The following SALL2 variants were observed in gnomAD, a reference collection of about 807,000 sequenced individuals.
The protein encoded by SALL2 is spalt like transcription factor 2, also known as sal-like protein 2.
In SALL2, 32 loss-of-function variants were observed where a neutral mutation model predicts 58.5. That is an observed-to-expected ratio of 0.55 (90% CI 0.41 to 0.74). The LOEUF is 0.74. Among genes scored for constraint, SALL2 ranks in the 30% least tolerant of loss-of-function variants. The pLI, the probability that SALL2 is intolerant of heterozygous loss-of-function variation, is 0.00. For missense variants in SALL2, 1,201 were observed against 1,268.9 expected, an observed-to-expected ratio of 0.95 and a Z score of 0.81; for synonymous variants, 516 against 513.6, an observed-to-expected ratio of 1.00 and a Z score of -0.06.
upstream of SALL2, among the ~76,000 whole-genome samples, chr14:21,528,125 T>A: frequency 6.8e-6 from 1 of 146,316 alleles, no homozygotes; most frequent in African/African-American, 2.6e-5. Context: ...GCAACAAGAG[T>A]GAAACTGCGT....
rs1327773612 is a variant in SALL2 at position 21,524,788 on chromosome 14, T to C, written c.934A>G (p.Ile312Val). Residue 312 changes from isoleucine (I) to valine (V), a missense_variant, in exon 2 of 2, where the codon ATT (isoleucine) becomes GTT (valine). Physicochemically the swap from Ile to Val is conservative, Grantham distance 29. Transcript: ENST00000537235. Reference protein sequence around the residue: ...PALPGSTDQLIASPHLAFPST... With the variant: ...PALPGSTDQLVASPHLAFPST... ...GGGAATGCCAGATGAGGCGAGGCAA[T>C]CAGCTGATCTGTGCTGCCTGGCAAG... The C allele has an allele frequency of 6.2e-7, 1 of 1,607,032 alleles. No individual in the cohort carries two copies. The highest frequency in any genetic ancestry group is 2.2e-5 in the East Asian group (1 of 44,818).
In SALL2 at chr14:21,522,797, A is replaced by C. The variant is rs1394069313; in HGVS notation, c.2925T>G (p.Ile975Met). Residue 975 changes from isoleucine to methionine, a missense_variant, in exon 2 of 2, where the codon ATT (isoleucine) becomes ATG (methionine). Transcript: ENST00000537235. The stretch of plus-strand genomic sequence containing the variant: ...AGCCAGGGACTAGAGAAAGAGCAGC[A>C]ATATTCTGAGGGCCATGGGGGGCAA... ...QPFAPHGPQNIAALSLVPGCS... is the reference protein window; with the variant it reads ...QPFAPHGPQNMAALSLVPGCS... The C allele has an allele frequency of 6.2e-7, 1 of 1,603,420 alleles. No homozygotes were observed. Among genetic ancestry groups the C allele is most frequent in the Non-Finnish European group, 8.5e-7 (1 of 1,175,632 alleles).
At chr14:21,530,265 TTC>T (rs200131762), upstream of SALL2, among the ~76,000 whole-genome samples, 1,002 of 149,544 alleles carry the variant, frequency 6.7e-3, 5 homozygotes, top group Non-Finnish European at 0.012. Flanking sequence ...TGAGCCATAT[TTC>T]TTTTTTTTTC....
At position 21,521,274 on chromosome 14, in the gene SALL2, A is replaced by G. The variant is rs970923266; in HGVS notation, c.*1430T>C. 1 of 152,202 alleles carries G rather than the reference A, an allele frequency of 6.6e-6. No homozygotes were observed. The highest frequency in any genetic ancestry group is 1.5e-5 in the Non-Finnish European group (1 of 68,056). The allele number at this position is 152,202 out of a possible 1,614,324, so 9.4% of individuals were successfully genotyped here. A position where few individuals can be genotyped will look rare whatever the true frequency, so the allele number is the denominator to read the frequency against. ...AAATGATCCTATGTTAAGAGTAAAT[A>G]CTACAACTCATTACAAGACGGAGAG... On this transcript the variant is annotated 3_prime_UTR_variant, in exon 2 of 2. Transcript: ENST00000537235.
chr14:21,525,958 C>A lies in SALL2; in HGVS notation c.67+103G>T. The A allele has an allele frequency of 2.7e-6, 3 of 1,127,658 alleles. No homozygotes were observed. Among genetic ancestry groups the A allele is most frequent in the South Asian group, 1.3e-5 (1 of 74,474 alleles). 69.9% of individuals were successfully genotyped at this position (1,127,658 alleles called of 1,614,324 possible). A position where few individuals can be genotyped will look rare whatever the true frequency, so the allele number is the denominator to read the frequency against. On this transcript the variant is annotated intron_variant, in intron 1 of 1. Coordinates refer to ENST00000537235, the MANE Select transcript of SALL2 (RefSeq NM_001364564.1). The surrounding 1 kb of genome is among the most constrained non-coding windows in gnomAD (Gnocchi z 4.4). ...GAATAGGTGTGGGGACAGGGGCCTA[C>A]GCAGAGAATCATGCATTTTCTCCCA... is the stretch of plus-strand genomic sequence containing the variant.
chr14:21,529,158 G>A (rs1328371379), upstream of SALL2, among the ~76,000 whole-genome samples: 1 of 152,126 alleles, frequency 6.6e-6, no homozygotes, highest in East Asian at 1.9e-4. Context: ...AAGGGGGGCA[G>A]GATTCTTACA....
At position 21,521,803 on chromosome 14, in the gene SALL2, A is replaced by G. The variant is rs1566504460; in HGVS notation, c.*901T>C. On this transcript the variant is annotated 3_prime_UTR_variant, in exon 2 of 2. Transcript: ENST00000537235. ...TGTTTCCCAACTTTGAGAGGTCATC[A>G]TGAATGAGAAGCTGGAGAGGTCTTG... is the stretch of plus-strand genomic sequence containing the variant. The G allele has an allele frequency of 1.8e-6, 1 of 542,768 alleles. No individual in the cohort carries two copies. Among genetic ancestry groups the G allele is most frequent in the Non-Finnish European group, 3.2e-6 (1 of 311,868 alleles). The allele number at this position is 542,768 out of a possible 1,614,324, so 33.6% of individuals were successfully genotyped here.
chr14:21,523,924 G>C lies in SALL2; in HGVS notation c.1798C>G (p.Gln600Glu). ...GCTGAGGTCACCGCCACAGCTCCTT[G>C]CCGGTCAATCTTTTCTACCAGTTGC... is the stretch of plus-strand genomic sequence containing the variant. ...LQQLVEKIDR[Q>E]GAVAVTSAAS... Residue 600 changes from glutamine (Q) to glutamate (E), a missense_variant, in exon 2 of 2, where the codon CAA becomes GAA. By Grantham distance (29) the Gln-to-Glu change is conservative. Transcript: ENST00000537235. This position sits in a 1 kb window ranked among gnomAD's most constrained non-coding sequence, Gnocchi z 4.4. 6.2e-7 allele frequency: 1 copy of C among 1,614,216 alleles called. No individual in the cohort carries two copies. Among genetic ancestry groups the C allele is most frequent in the Middle Eastern group, 1.6e-4 (1 of 6,062 alleles).
rs969185938 is a variant in SALL2, at chr14:21,521,799, C to A, written c.*905G>T. The A allele has an allele frequency of 7.5e-6, 4 of 531,924 alleles. No homozygotes were observed. The highest frequency in any genetic ancestry group is 1.9e-5 in the African/African-American group (1 of 52,992). 33.0% of individuals were successfully genotyped at this position (531,924 alleles called of 1,614,324 possible). A position where few individuals can be genotyped will look rare whatever the true frequency, so the allele number is the denominator to read the frequency against. On this transcript the variant is annotated 3_prime_UTR_variant, in exon 2 of 2. Coordinates refer to ENST00000537235, the MANE Select transcript of SALL2 (RefSeq NM_001364564.1). ...AGCTTGTTTCCCAACTTTGAGAGGT[C>A]ATCATGAATGAGAAGCTGGAGAGGT...
chr14:21,533,046 C>T (rs906155581), intron 1 of SALL2, among the ~76,000 whole-genome samples: 1 of 151,970 alleles, frequency 6.6e-6, no homozygotes, highest in Non-Finnish European at 1.5e-5. Flanking sequence ...CAAAAAGGGC[C>T]TAGCACAGTA....
rs767040065 is a variant in SALL2, at chr14:21,522,809, G to A, written c.2913C>T (p.Gly971=). The part of the protein sequence containing the change: ...HHQVQPFAPH[G]PQNIAALSLV... ...GAGAAAGAGCAGCAATATTCTGAGG[G>A]CCATGGGGGGCAAAGGGCTGTACCT... Residue 971 remains glycine, a synonymous_variant, in exon 2 of 2, where the codon GGC becomes GGT. Transcript: ENST00000537235. The A allele has an allele frequency of 6.8e-6, 11 of 1,607,278 alleles. No homozygotes were observed. The Admixed American group carries it at 1.0e-4, about 15-fold the overall frequency.
At chr14:21,532,894 C>A (rs1178350657) in intron 1 of SALL2, among the ~76,000 whole-genome samples, 1 of 151,242 alleles carries the variant, frequency 6.6e-6, no homozygotes, top group Non-Finnish European at 1.5e-5. Context: ...ACCCGGGAGG[C>A]GGAGCTCGCA....
upstream of SALL2, among the ~76,000 whole-genome samples, chr14:21,527,009 G>T (rs535147675): frequency 1.7e-3 from 253 of 152,160 alleles, 1 homozygote; most frequent in African/African-American, 5.8e-3. Flanking sequence ...TTACTCCGCA[G>T]ATCGCCCAGC....
In SALL2 at chr14:21,525,147, A is replaced by C; in HGVS notation, c.575T>G (p.Ile192Ser). The C allele has an allele frequency of 2.5e-6, 4 of 1,613,974 alleles. No individual in the cohort carries two copies. The highest frequency in any genetic ancestry group is 3.4e-6 in the Non-Finnish European group (4 of 1,179,958). Residue 192 changes from isoleucine (I) to serine (S), a missense_variant, in exon 2 of 2, where the codon ATC becomes AGC. Ile to Ser is a moderately radical substitution (Grantham distance 142, BLOSUM62 -2). Around this residue, in one of 3 missense-constraint regions of SALL2, gnomAD observed 467 missense variants for 468.9 expected, o/e 1.00. Transcript: ENST00000537235. This position sits in a 1 kb window ranked among gnomAD's most constrained non-coding sequence, Gnocchi z 4.4. ...TTGCTCAGTCATCTGCATCTGATGGATCTGCCGCTGCTGCAGCACCCGTAG... is the reference window on the plus strand; with the variant it reads ...TTGCTCAGTCATCTGCATCTGATGGCTCTGCCGCTGCTGCAGCACCCGTAG... ...EELRVLQQRQIHQMQMTEQIC... is the reference protein window; with the variant it reads ...EELRVLQQRQSHQMQMTEQIC...
chr14:21,526,370 G>GT (rs1892313499), upstream of SALL2: 42 of 1,336,184 alleles, frequency 3.1e-5, no homozygotes, highest in South Asian at 6.6e-4. Context: ...GAGGAGGGGA[G>GT]TTTATGGGGA....
upstream of SALL2, among the ~76,000 whole-genome samples, chr14:21,527,178 G>A (rs1265374379): frequency 6.6e-6 from 1 of 152,152 alleles, no homozygotes; most frequent in South Asian, 2.1e-4. Context: ...GGCCTACGGA[G>A]GCCCACCCAG....
rs978895429 is a variant in SALL2, at chr14:21,525,938, G to A, written c.67+123C>T. On this transcript the variant is annotated intron_variant, in intron 1 of 1. Transcript: ENST00000537235. The surrounding 1 kb of genome is among the most constrained non-coding windows in gnomAD (Gnocchi z 4.4). ...AGGCCACAAGCGAGTTCACGGAATA[G>A]GTGTGGGGACAGGGGCCTACGCAGA... 2 of 994,702 alleles carry A rather than the reference G, an allele frequency of 2.0e-6. No homozygotes were observed. Among genetic ancestry groups the A allele is most frequent in the African/African-American group, 3.2e-5 (2 of 62,746 alleles). The allele number at this position is 994,702 out of a possible 1,614,324, so 61.6% of individuals were successfully genotyped here.
chr14:21,529,159 G>T (rs1447850789), upstream of SALL2, among the ~76,000 whole-genome samples: 2 of 152,120 alleles, frequency 1.3e-5, no homozygotes, highest in Non-Finnish European at 2.9e-5. Context: ...AGGGGGGCAG[G>T]ATTCTTACAC....
Position 21,522,256 on chromosome 14 carries a change from G to C in SALL2, c.*448C>G. On this transcript the variant is annotated 3_prime_UTR_variant, in exon 2 of 2. Transcript: ENST00000537235. The stretch of plus-strand genomic sequence containing the variant: ...GCCACATACTGGTTCTAGAAAGATA[G>C]GGGACCCATACCCACCAGCTGAGCA... The C allele has an allele frequency of 6.3e-7, 1 of 1,581,570 alleles. No homozygotes were observed. The highest frequency in any genetic ancestry group is 8.5e-7 in the Non-Finnish European group (1 of 1,171,176).
Sources: gnomAD v4.1 joint callset for allele counts (sites outside exome capture counted in the v4.1 genomes callset) on GRCh38, gnomAD v4.1.1 for gene constraint, gnomAD v4.1.1 regional missense constraint, Gnocchi (gnomAD v3.1) non-coding constraint, MANE v1.5 for transcripts, NCBI Gene and HGNC (gene_info 2026-07-23, HGNC 2026-07-21) for gene names.